TP63: variants seen among roughly 807,000 people sequenced by gnomAD.
TP63 encodes tumor protein 63.
A neutral mutation model predicts 82.8 loss-of-function variants in TP63; 17 were observed. The observed-to-expected ratio is 0.21, with a 90% CI of 0.14 to 0.31. The LOEUF (loss-of-function observed/expected upper bound fraction) is 0.31, where lower values mean the gene tolerates loss of function less well. TP63 is among the 10% of genes least tolerant of loss of function. TP63 has a pLI of 1.00. For synonymous variants in TP63, 330 were observed against 321.7 expected (o/e 1.03, Z -0.28); for missense variants, 648 against 895.3 (o/e 0.72, Z 3.52).
At chr3:189,653,216 G>T (rs1713046839) in intron 1 of TP63, among the ~76,000 whole-genome samples, 1 of 152,086 alleles carries the variant, frequency 6.6e-6, no homozygotes, top group African/African-American at 2.4e-5. Context: ...TCATGTTCTT[G>T]GTCCAGAACA....
intron 1 of TP63, chr3:189,645,362 A>T (rs1712320145): frequency 1.9e-6 from 1 of 528,380 alleles, no homozygotes; most frequent in Non-Finnish European, 3.6e-6. Context: ...GCAGAACTGT[A>T]CTGGGTATTC....
intron 1 of TP63, among the ~76,000 whole-genome samples, chr3:189,641,822 A>T (rs1711908792): frequency 6.6e-6 from 1 of 152,202 alleles, no homozygotes; most frequent in Admixed American, 6.5e-5. Context: ...TAAACAAGGT[A>T]TGTAATTTAC....
intron 1 of TP63, among the ~76,000 whole-genome samples, chr3:189,655,699 A>G (rs899354884): frequency 6.6e-6 from 1 of 152,224 alleles, no homozygotes; most frequent in Non-Finnish European, 1.5e-5. Flanking sequence ...CAGAAGCCAT[A>G]AAGTGGTAAG....
At chr3:189,843,362 G>A (rs756427260) in intron 4 of TP63, among the ~76,000 whole-genome samples, 3 of 152,182 alleles carry the variant, frequency 2.0e-5, no homozygotes, top group South Asian at 2.1e-4. Context: ...TTGTGGGCGC[G>A]GCCCGGGAAG....
chr3:189,610,306 T>C, the TP63 span, among the ~76,000 whole-genome samples: 13 of 152,060 alleles, frequency 8.5e-5, no homozygotes, highest in Non-Finnish European at 1.6e-4. Context: ...TTTGCAAAAA[T>C]GTTCTCTGCT....
chr3:189,662,933 AT>A (rs1369009527), intron 1 of TP63, among the ~76,000 whole-genome samples: 1 of 151,980 alleles, frequency 6.6e-6, no homozygotes, highest in Non-Finnish European at 1.5e-5. Context: ...TCTGGGACTT[AT>A]TTTTGTTTCT....
At chr3:189,835,234 A>C (rs939397678) in intron 4 of TP63, among the ~76,000 whole-genome samples, 1 of 152,144 alleles carries the variant, frequency 6.6e-6, no homozygotes, top group Non-Finnish European at 1.5e-5. Flanking sequence ...CTAGAAGGAC[A>C]TAGATGAATA....
intron 1 of TP63, among the ~76,000 whole-genome samples, chr3:189,658,274 A>G (rs1713565974): frequency 6.6e-6 from 1 of 152,096 alleles, no homozygotes; most frequent in African/African-American, 2.4e-5. Flanking sequence ...TGAATAAATT[A>G]TTGGATAAGC....
chr3:189,725,595 T>C (rs1577308751), intron 1 of TP63, among the ~76,000 whole-genome samples: 1 of 152,054 alleles, frequency 6.6e-6, no homozygotes, highest in African/African-American at 2.4e-5. Context: ...ATATATTTCC[T>C]TCACTTTGAA....
At chr3:189,880,483 G>A in intron 10 of TP63, 1 of 1,032,348 alleles carries the variant, frequency 9.7e-7, no homozygotes, top group Non-Finnish European at 1.2e-6. Flanking sequence ...GAGGGGTCAG[G>A]TGGGGAAAGG....
chr3:189,828,440 G>A (rs1711776493), intron 4 of TP63, among the ~76,000 whole-genome samples: 1 of 152,066 alleles, frequency 6.6e-6, no homozygotes, highest in African/African-American at 2.4e-5. Flanking sequence ...CTTCTTATAA[G>A]GACTGTACCA....
chr3:189,707,869 A>G (rs1718316690), intron 1 of TP63, among the ~76,000 whole-genome samples: 1 of 152,180 alleles, frequency 6.6e-6, no homozygotes, highest in African/African-American at 2.4e-5. Context: ...ATTTTTGACC[A>G]CTAGCTATAA....
intron 10 of TP63, among the ~76,000 whole-genome samples, chr3:189,877,037 T>C (rs1272054283): frequency 6.6e-6 from 1 of 152,216 alleles, no homozygotes; most frequent in Non-Finnish European, 1.5e-5. Flanking sequence ...TCCCACTATG[T>C]GTTTTCTTCT....
intron 1 of TP63, among the ~76,000 whole-genome samples, chr3:189,699,924 G>T (rs1174856588): frequency 1.3e-5 from 2 of 152,158 alleles, no homozygotes; most frequent in African/African-American, 4.8e-5. Context: ...CTGAAGAAAT[G>T]TATTTTAATT....
In TP63 at chr3:189,892,764, C is replaced by T. The variant is rs1721147674; in HGVS notation, c.1747-1442C>T. On this transcript the variant is annotated intron_variant, in intron 13 of 13. Transcript: ENST00000264731. ...CCGAGATCACGCCACTGCACTCCAG[C>T]CTGGGTGAAAGTGCAAGACTCCGTC... is the stretch of plus-strand genomic sequence containing the variant. 2.0e-5 allele frequency among the ~76,000 whole-genome samples: 3 copies of T among 152,204 alleles called. No individual in the cohort carries two copies. The East Asian group carries it at 5.8e-4, about 29-fold the overall frequency.
rs117987791 is a variant in TP63 at position 189,806,102 on chromosome 3, C to T, written c.325-2170C>T. Among the ~76,000 whole-genome samples the T allele has an allele frequency of 4.7e-3, 568 of 121,142 alleles. 10 individuals carry two copies. The highest frequency in any genetic ancestry group is 0.032 in the East Asian group (130 of 4,042). 79.5% of individuals were successfully genotyped at this position (121,142 alleles called of 152,430 possible). A position where few individuals can be genotyped will look rare whatever the true frequency, so the allele number is the denominator to read the frequency against. ...ACGGAATTGTCCCTTTTTGTAAGTCCTTGTTGAATTGAAGAGTGTTTGCTC... is the reference window on the plus strand; with the variant it reads ...ACGGAATTGTCCCTTTTTGTAAGTCTTTGTTGAATTGAAGAGTGTTTGCTC... On this transcript the variant is annotated intron_variant, in intron 3 of 13. Coordinates refer to ENST00000264731, the MANE Select transcript of TP63 (RefSeq NM_003722.5).
Position 189,755,260 on chromosome 3 carries a change from G to A in TP63, c.324+16486G>A, listed in dbSNP as rs561657745. On this transcript the variant is annotated intron_variant, in intron 3 of 13. Coordinates refer to ENST00000264731, the MANE Select transcript of TP63 (RefSeq NM_003722.5). The stretch of plus-strand genomic sequence containing the variant: ...CTGTACCATTTTTCCTCAAAGCTCT[G>A]TGAGGAAGGTAAATATGTATTTATT... Among the ~76,000 whole-genome samples the A allele has an allele frequency of 7.9e-5, 12 of 152,078 alleles. No homozygotes were observed. The South Asian group carries it at 2.5e-3, about 32-fold the overall frequency.
intron 1 of TP63, among the ~76,000 whole-genome samples, chr3:189,687,569 G>A (rs1716550923): frequency 6.6e-6 from 1 of 152,164 alleles, no homozygotes; most frequent in Admixed American, 6.5e-5. Context: ...AAATAAAAAT[G>A]AAGTGGGCTG....
intron 1 of TP63, among the ~76,000 whole-genome samples, chr3:189,684,423 C>T (rs73056161): frequency 0.016 from 2,423 of 152,100 alleles, 69 homozygotes; most frequent in African/African-American, 0.055. Flanking sequence ...AAAAAGATAA[C>T]AGAGGGAATT....
Sources: allele counts gnomAD v4.1 joint callset (sites outside exome capture counted in the v4.1 genomes callset), GRCh38; gene constraint gnomAD v4.1.1; transcripts MANE v1.5; gene names NCBI Gene and HGNC (gene_info 2026-07-23, HGNC 2026-07-21).